Variants in PCDH15 observed in about 807,000 individuals in gnomAD.
The protein encoded by PCDH15 is protocadherin-15.
Under a neutral mutation model 178.5 loss-of-function variants are expected in PCDH15, and 129 were observed. The ratio of observed to expected loss-of-function variants is 0.72; its 90% confidence interval spans 0.63 to 0.84. PCDH15 has a LOEUF of 0.84. Ranked by LOEUF, PCDH15 falls within the 40% of genes least tolerant of loss-of-function variation. PCDH15 has a pLI of 0.00. For missense variants in PCDH15, 2,230 were observed against 2,099.9 expected (o/e 1.06, Z -1.21); for synonymous variants, 800 against 732.0 (o/e 1.09, Z -1.50).
At position 55,093,603 on chromosome 10, in the gene PCDH15, G is replaced by A. The variant is rs1315268814; in HGVS notation, c.-80+72973C>T. 4.0e-5 allele frequency among the ~76,000 whole-genome samples: 6 copies of A among 151,834 alleles called. No homozygotes were observed. In the South Asian group the frequency reaches 1.2e-3, roughly 32 times the overall value. On this transcript the variant is annotated intron_variant, in intron 2 of 5. Coordinates refer to the PCDH15 transcript ENST00000458638. ...CTAGGTTTTCTTCTAGTGTTTTTAT[G>A]GTTTTAGGTCTAACATTTAAGTCTT...
intron 3 of PCDH15, among the ~76,000 whole-genome samples, chr10:54,419,441 A>G (rs987015048): frequency 2.0e-5 from 3 of 152,080 alleles, no homozygotes; most frequent in Non-Finnish European, 4.4e-5. Flanking sequence ...AAGCCCTTAT[A>G]TGAGGCAAAT....
intron 3 of PCDH15, among the ~76,000 whole-genome samples, chr10:54,429,714 G>A (rs552816075): frequency 3.3e-5 from 5 of 152,162 alleles, no homozygotes; most frequent in South Asian, 2.1e-4. Flanking sequence ...TGGATTTCTC[G>A]ACAAAAACTG....
At chr10:55,387,669 C>G (rs529616020) in intron 2 of PCDH15, among the ~76,000 whole-genome samples, 1 of 152,092 alleles carries the variant, frequency 6.6e-6, no homozygotes. Context: ...AAAACATAGG[C>G]ACTTTAAGAG....
Position 55,428,608 on chromosome 10 carries a change from T to C in PCDH15, c.-156+199017A>G, listed in dbSNP as rs560661924. Among the ~76,000 whole-genome samples the C allele has an allele frequency of 2.0e-5, 3 of 152,022 alleles. No homozygotes were observed. The East Asian group carries it at 5.8e-4, about 29-fold the overall frequency. On this transcript the variant is annotated intron_variant, in intron 2 of 5. Coordinates refer to the PCDH15 transcript ENST00000613346. ...TATCTATCTCAGAGAGACAGCGCTA[T>C]GTGTTCATCTTTAAAGCAGTTTTTT...
intron 3 of PCDH15, among the ~76,000 whole-genome samples, chr10:54,389,427 A>G (rs1950276125): frequency 6.6e-6 from 1 of 152,186 alleles, no homozygotes; most frequent in African/African-American, 2.4e-5. Flanking sequence ...ATGATTTAGT[A>G]GATATAGAGT....
intron 2 of PCDH15, among the ~76,000 whole-genome samples, chr10:55,620,625 C>G (rs987661215): frequency 3.0e-4 from 46 of 151,372 alleles, no homozygotes; most frequent in African/African-American, 9.4e-4. Context: ...ATATTTGCAC[C>G]CTAAAAATTT....
intron 26 of PCDH15, among the ~76,000 whole-genome samples, chr10:53,894,865 G>A (rs2081844075): frequency 6.6e-6 from 1 of 152,132 alleles, no homozygotes; most frequent in Admixed American, 6.5e-5. Context: ...AGAGATAAGA[G>A]CATGCCCAGA....
At chr10:55,599,709 C>T in intron 2 of PCDH15, 1 of 386,768 alleles carries the variant, frequency 2.6e-6, no homozygotes, top group East Asian at 4.0e-5. Context: ...TACAGTCATG[C>T]TCTAAGGAAA....
At chr10:55,520,616 A>G (rs1420314049) in intron 2 of PCDH15, among the ~76,000 whole-genome samples, 1 of 150,984 alleles carries the variant, frequency 6.6e-6, no homozygotes, top group Non-Finnish European at 1.5e-5. Flanking sequence ...AATATTTCCA[A>G]TCCACTAAAA....
At chr10:55,553,898 A>T (rs1842043323) in intron 2 of PCDH15, among the ~76,000 whole-genome samples, 1 of 151,978 alleles carries the variant, frequency 6.6e-6, no homozygotes, top group Admixed American at 6.6e-5. Flanking sequence ...GGCACTGAAA[A>T]ATAGACTCAA....
At chr10:54,351,443 T>A (rs997278659) in intron 5 of PCDH15, among the ~76,000 whole-genome samples, 1 of 152,096 alleles carries the variant, frequency 6.6e-6, no homozygotes, top group African/African-American at 2.4e-5. Context: ...TTTTTCTTTT[T>A]AAAAAAATAT....
At chr10:54,542,752 G>T (rs1438147043) in intron 2 of PCDH15, among the ~76,000 whole-genome samples, 2 of 151,928 alleles carry the variant, frequency 1.3e-5, no homozygotes, top group Non-Finnish European at 2.9e-5. Flanking sequence ...GACATGGAAG[G>T]GGGAAAGGGA....
chr10:55,378,587 G>A (rs982057909), intron 2 of PCDH15, among the ~76,000 whole-genome samples: 14 of 152,090 alleles, frequency 9.2e-5, no homozygotes, highest in African/African-American at 2.9e-4. Flanking sequence ...AACCAAAAAC[G>A]TACAAAATAT....
intron 2 of PCDH15, among the ~76,000 whole-genome samples, chr10:54,975,972 T>G (rs1483770722): frequency 6.6e-6 from 1 of 152,126 alleles, no homozygotes; most frequent in Non-Finnish European, 1.5e-5. Context: ...TGAAGTGTAG[T>G]GTCTATGGTA....
chr10:54,323,899 T>G (rs893752528), intron 7 of PCDH15, among the ~76,000 whole-genome samples: 10 of 152,164 alleles, frequency 6.6e-5, no homozygotes, highest in African/African-American at 1.9e-4. Flanking sequence ...CTTGTAAACA[T>G]TTTTTGTTTG....
chr10:54,783,949 G>T (rs1224449957), intron 1 of PCDH15, among the ~76,000 whole-genome samples: 1 of 152,088 alleles, frequency 6.6e-6, no homozygotes, highest in Non-Finnish European at 1.5e-5. Context: ...GGCTAGGGAG[G>T]CATCAGGAAA....
rs2092977963 is a variant in PCDH15, at chr10:54,023,155, T to A, written c.2263A>T (p.Ser755Cys). The A allele has an allele frequency of 6.2e-7, 1 of 1,613,834 alleles. No individual in the cohort carries two copies. The highest frequency in any genetic ancestry group is 1.3e-5 in the African/African-American group (1 of 75,048). The change falls in exon 19 of 38, where the codon AGT (serine) becomes TGT (cysteine). Residue 755 changes from serine to cysteine, a missense_variant. Coordinates refer to ENST00000644397, the MANE Select transcript of PCDH15 (RefSeq NM_001384140.1). The stretch of plus-strand genomic sequence containing the variant: ...AAAAGATTATTAAAGTTACCCAAAC[T>A]GTAGTGCACTTGACCATTTATTCCA... ...DAGINGQVHY[S>C]LGNFNNLFRI...
At chr10:55,374,938 C>T (rs1012293908) in intron 2 of PCDH15, among the ~76,000 whole-genome samples, 1 of 151,942 alleles carries the variant, frequency 6.6e-6, no homozygotes, top group Non-Finnish European at 1.5e-5. Flanking sequence ...TGACATTCTA[C>T]ATAAACATTT....
At chr10:54,114,027 G>T (rs755332152) in intron 15 of PCDH15, among the ~76,000 whole-genome samples, 1 of 152,016 alleles carries the variant, frequency 6.6e-6, no homozygotes, top group Non-Finnish European at 1.5e-5. Context: ...GGAAAATCTC[G>T]CCCACATGAT....
Sources: gnomAD v4.1 joint callset for allele counts (sites outside exome capture counted in the v4.1 genomes callset) on GRCh38, gnomAD v4.1.1 for gene constraint, MANE v1.5 for transcripts, NCBI Gene and HGNC (gene_info 2026-07-23, HGNC 2026-07-21) for gene names.